The following FGGY variants were observed in gnomAD, a reference collection of about 807,000 sequenced individuals.
FGGY encodes FGGY carbohydrate kinase domain containing, also known as FGGY carbohydrate kinase domain-containing protein.
A neutral mutation model predicts 71.3 loss-of-function variants in FGGY; 72 were observed. That is an observed-to-expected ratio of 1.01 (90% CI 0.84 to 1.23). The LOEUF (loss-of-function observed/expected upper bound fraction) is 1.23, where lower values mean the gene tolerates loss of function less well. Ranked by LOEUF, FGGY falls within the 50% of genes most tolerant of loss-of-function variation. The pLI, the probability that FGGY is intolerant of heterozygous loss-of-function variation, is 0.00. For synonymous variants in FGGY, 251 were observed against 250.3 expected, an observed-to-expected ratio of 1.00 and a Z score of -0.02; for missense variants, 668 against 682.3, an observed-to-expected ratio of 0.98 and a Z score of 0.23.
intron 11 of FGGY, among the ~76,000 whole-genome samples, chr1:59,651,364 C>A (rs1194411044): frequency 2.0e-5 from 3 of 149,864 alleles, no homozygotes; most frequent in African/African-American, 7.5e-5. Context: ...TTAAAGTCTC[C>A]CATTATTAAT....
intron 6 of FGGY, among the ~76,000 whole-genome samples, chr1:59,469,410 G>C (rs1191375312): frequency 2.0e-5 from 3 of 152,152 alleles, no homozygotes; most frequent in Admixed American, 2.0e-4. Context: ...ACAAGAATGA[G>C]AGAGGGCAAG....
At chr1:59,733,846 A>G (rs2098073006) in intron 14 of FGGY, among the ~76,000 whole-genome samples, 1 of 152,178 alleles carries the variant, frequency 6.6e-6, no homozygotes, top group Admixed American at 6.5e-5. Flanking sequence ...GTTACTTCTA[A>G]CAACTTTCTC....
intron 14 of FGGY, among the ~76,000 whole-genome samples, chr1:59,694,690 CTT>C (rs58871168): frequency 7.2e-4 from 102 of 142,308 alleles, no homozygotes; most frequent in Admixed American, 1.8e-3. Context: ...AACTAGGTGT[CTT>C]TTTTTTTTTT....
intron 8 of FGGY, among the ~76,000 whole-genome samples, chr1:59,593,135 G>T (rs2096476626): frequency 6.6e-6 from 1 of 152,176 alleles, no homozygotes; most frequent in African/African-American, 2.4e-5. Context: ...TATGTGGCCT[G>T]TGACCACAAG....
intron 7 of FGGY, among the ~76,000 whole-genome samples, chr1:59,542,151 G>A (rs534762950): frequency 1.1e-4 from 17 of 152,270 alleles, no homozygotes; most frequent in East Asian, 1.9e-4. Flanking sequence ...CCCATACAGC[G>A]GGAATTACTT....
chr1:59,641,769 A>G (rs1262059635), intron 11 of FGGY, among the ~76,000 whole-genome samples: 2 of 152,216 alleles, frequency 1.3e-5, no homozygotes, highest in Non-Finnish European at 2.9e-5. Context: ...CAATTATATG[A>G]TGAATGCAAC....
chr1:59,741,610 C>G (rs951763980), intron 14 of FGGY, among the ~76,000 whole-genome samples: 2 of 152,086 alleles, frequency 1.3e-5, no homozygotes, highest in Admixed American at 1.3e-4. Context: ...TCAAGACCAA[C>G]CTGGGTAACA....
chr1:59,318,337 C>T (rs1214387344), intron 1 of FGGY, among the ~76,000 whole-genome samples: 1 of 152,136 alleles, frequency 6.6e-6, no homozygotes, highest in Non-Finnish European at 1.5e-5. Flanking sequence ...CACTGAGTTA[C>T]AAGGACTTAC....
At chr1:59,757,890 G>T (rs201372394) in intron 14 of FGGY, 41 bp from the exon 15 acceptor site, 1 of 1,489,442 alleles carries the variant, frequency 6.7e-7, no homozygotes, top group Non-Finnish European at 9.3e-7. Flanking sequence ...TTTGGATTTC[G>T]CTTTCCAACT....
intron 5 of FGGY, among the ~76,000 whole-genome samples, chr1:59,406,795 C>G (rs1190871926): frequency 6.6e-6 from 1 of 152,176 alleles, no homozygotes; most frequent in East Asian, 1.9e-4. Flanking sequence ...CTTTCCATCT[C>G]TTGTTACCTC....
chr1:59,645,985 G>A (rs569810883), intron 11 of FGGY, among the ~76,000 whole-genome samples: 4 of 152,364 alleles, frequency 2.6e-5, no homozygotes, highest in African/African-American at 7.2e-5. Flanking sequence ...CAGAGATAGT[G>A]TGTATGTGGG....
intron 6 of FGGY, among the ~76,000 whole-genome samples, chr1:59,488,982 C>G (rs921351608): frequency 1.3e-5 from 2 of 152,012 alleles, no homozygotes; most frequent in Admixed American, 6.6e-5. Flanking sequence ...CTTATTAACT[C>G]TTAGTGAGGT....
At chr1:59,431,365 G>A (rs2067327092) in intron 5 of FGGY, among the ~76,000 whole-genome samples, 1 of 152,164 alleles carries the variant, frequency 6.6e-6, no homozygotes, top group Non-Finnish European at 1.5e-5. Context: ...ACACTACCAT[G>A]GATCAAGCCC....
rs533971831 is a variant in FGGY at position 59,545,954 on chromosome 1, C to T, written c.800-8170C>T. 8.5e-5 allele frequency among the ~76,000 whole-genome samples: 13 copies of T among 152,232 alleles called. No homozygotes were observed. In the South Asian group the frequency reaches 1.2e-3, roughly 15 times the overall value. On this transcript the variant is annotated intron_variant, in intron 7 of 15. Transcript: ENST00000303721. Reference sequence around the variant, plus strand: ...CTCATTTTCCTTATTCCTTTGGGCCCGCAATTATTTTGTCATCAGTTGTAT... The same window carrying T: ...CTCATTTTCCTTATTCCTTTGGGCCTGCAATTATTTTGTCATCAGTTGTAT...
At chr1:59,709,595 A>G (rs1395481079) in intron 14 of FGGY, among the ~76,000 whole-genome samples, 1 of 152,186 alleles carries the variant, frequency 6.6e-6, no homozygotes, top group African/African-American at 2.4e-5. Flanking sequence ...TCAGCATGCC[A>G]CAGCCATCAC....
intron 2 of FGGY, among the ~76,000 whole-genome samples, chr1:59,325,335 A>T (rs941828913): frequency 2.6e-5 from 4 of 151,304 alleles, no homozygotes; most frequent in African/African-American, 9.8e-5. Flanking sequence ...CCAGCCTGGG[A>T]GACAGAGTGG....
chr1:59,427,615 A>T (rs1005163246), intron 5 of FGGY, among the ~76,000 whole-genome samples: 16 of 152,182 alleles, frequency 1.1e-4, no homozygotes, highest in East Asian at 1.9e-4. Flanking sequence ...GAGATGCTTT[A>T]TTTTTCCCCT....
At chr1:59,686,877 A>C (rs1416986998) in intron 14 of FGGY, among the ~76,000 whole-genome samples, 1 of 152,226 alleles carries the variant, frequency 6.6e-6, no homozygotes, top group Non-Finnish European at 1.5e-5. Context: ...TGTGAAAATT[A>C]AATGAGATGA....
chr1:59,448,493 T>G (rs1340903611), intron 5 of FGGY, among the ~76,000 whole-genome samples: 3 of 152,170 alleles, frequency 2.0e-5, no homozygotes, highest in Non-Finnish European at 4.4e-5. Context: ...TTCTGCTTCA[T>G]GCACTCCAGG....
Sources: gnomAD v4.1 joint callset for allele counts (sites outside exome capture counted in the v4.1 genomes callset) on GRCh38, gnomAD v4.1.1 for gene constraint, MANE v1.5 for transcripts, NCBI Gene and HGNC (gene_info 2026-07-23, HGNC 2026-07-21) for gene names.